ARK2C: variants seen among roughly 807,000 people sequenced by gnomAD.
The protein encoded by ARK2C is arkadia (RNF111) C-terminal like ring finger ubiquitin ligase 2C.
At chr18:46,400,569 G>A in the ARK2C span, among the ~76,000 whole-genome samples, 1 of 152,100 alleles carries the variant, frequency 6.6e-6, no homozygotes, top group Non-Finnish European at 1.5e-5. Flanking sequence ...AAGAGAAACA[G>A]GGAACACCCG....
the ARK2C span, chr18:46,334,774 T>C: frequency 1.7e-5 from 5 of 291,228 alleles, no homozygotes; most frequent in Admixed American, 5.4e-5. This position sits in a 1 kb window ranked among gnomAD's most constrained non-coding sequence, Gnocchi z 4.4. Flanking sequence ...TTTGCTTTTT[T>C]TGAGGTATAT....
At chr18:46,405,403 C>T in the ARK2C span, among the ~76,000 whole-genome samples, 1 of 152,082 alleles carries the variant, frequency 6.6e-6, no homozygotes, top group Admixed American at 6.5e-5. Context: ...CAGCATAGAC[C>T]AGACAGACAG....
the ARK2C span, among the ~76,000 whole-genome samples, chr18:46,370,382 T>G: frequency 6.6e-6 from 1 of 152,320 alleles, no homozygotes; most frequent in Non-Finnish European, 1.5e-5. Context: ...GAAATCAGTG[T>G]GCAGAGCTTG....
the ARK2C span, among the ~76,000 whole-genome samples, chr18:46,406,242 C>A: frequency 2.0e-5 from 3 of 152,172 alleles, no homozygotes; most frequent in East Asian, 1.9e-4. Context: ...TTGAACCCCC[C>A]TCTCAACCTC....
chr18:46,401,744 C>G, the ARK2C span, among the ~76,000 whole-genome samples: 2 of 152,212 alleles, frequency 1.3e-5, no homozygotes, highest in Non-Finnish European at 2.9e-5. Flanking sequence ...CACGGAGCTT[C>G]CTGGAGTCAT....
chr18:46,339,996 C>G, the ARK2C span, among the ~76,000 whole-genome samples: 2 of 152,184 alleles, frequency 1.3e-5, no homozygotes, highest in Admixed American at 1.3e-4. Flanking sequence ...GCAGCAGGGA[C>G]CCCTTTTCTG....
the ARK2C span, among the ~76,000 whole-genome samples, chr18:46,384,269 G>A: frequency 6.6e-6 from 1 of 152,206 alleles, no homozygotes; most frequent in Non-Finnish European, 1.5e-5. Context: ...GTCCCAGGGG[G>A]CTGGGATGCC....
At chr18:46,418,890 CAG>C in the ARK2C span, among the ~76,000 whole-genome samples, 1 of 152,224 alleles carries the variant, frequency 6.6e-6, no homozygotes, top group Non-Finnish European at 1.5e-5. Context: ...TCTGGACAGA[CAG>C]AAAATCTTGC....
chr18:46,343,649 G>A, the ARK2C span, among the ~76,000 whole-genome samples: 5 of 152,246 alleles, frequency 3.3e-5, no homozygotes, highest in Admixed American at 1.3e-4. Flanking sequence ...CCAAGGGAGA[G>A]AATTGACTGG....
At chr18:46,436,783 A>G in the ARK2C span, among the ~76,000 whole-genome samples, 1 of 152,264 alleles carries the variant, frequency 6.6e-6, no homozygotes, top group Admixed American at 6.5e-5. Context: ...GCCTTTTCCA[A>G]TTAGCAGATT....
At chr18:46,392,187 C>T in the ARK2C span, among the ~76,000 whole-genome samples, 2 of 152,182 alleles carry the variant, frequency 1.3e-5, no homozygotes, top group African/African-American at 4.8e-5. Context: ...TGCACACATA[C>T]TGTGGTCATC....
At chr18:46,378,352 T>G in the ARK2C span, among the ~76,000 whole-genome samples, 1 of 152,144 alleles carries the variant, frequency 6.6e-6, no homozygotes, top group Admixed American at 6.5e-5. Context: ...CACACAGCAG[T>G]GTGAGTCAGC....
the ARK2C span, chr18:46,450,850 G>C: frequency 2.2e-6 from 3 of 1,376,270 alleles, no homozygotes; most frequent in African/African-American, 4.3e-5. Context: ...GGGCAGGGGG[G>C]TTGTCTAATT....
chr18:46,358,058 G>A, the ARK2C span, among the ~76,000 whole-genome samples: 1 of 152,166 alleles, frequency 6.6e-6, no homozygotes, highest in African/African-American at 2.4e-5. Context: ...GACCTCATCT[G>A]AACTTGATCA....
the ARK2C span, among the ~76,000 whole-genome samples, chr18:46,349,558 G>A: frequency 2.6e-5 from 4 of 152,198 alleles, no homozygotes; most frequent in African/African-American, 7.2e-5. Context: ...GGAGGTCAGC[G>A]GTGAGCTGGC....
At chr18:46,345,120 G>A in the ARK2C span, among the ~76,000 whole-genome samples, 1 of 152,246 alleles carries the variant, frequency 6.6e-6, no homozygotes, top group Non-Finnish European at 1.5e-5. Flanking sequence ...TGCCTGCGAT[G>A]CAGGGCTGCT....
the ARK2C span, among the ~76,000 whole-genome samples, chr18:46,387,342 G>T: frequency 1.3e-5 from 2 of 152,228 alleles, no homozygotes; most frequent in Non-Finnish European, 2.9e-5. Context: ...TGATTCCAGT[G>T]CAGAGCTTGG....
the ARK2C span, chr18:46,447,353 G>T: frequency 1.7e-6 from 1 of 571,860 alleles, no homozygotes; most frequent in Non-Finnish European, 3.1e-6. Context: ...GATTGCTCTA[G>T]CTCCTTCAGA....
chr18:46,459,321 G>T, the ARK2C span: 4 of 152,256 alleles, frequency 2.6e-5, no homozygotes, highest in South Asian at 2.1e-4. Flanking sequence ...ACCTAAGGAG[G>T]TTGGATTGGA....
Sources: allele counts gnomAD v4.1 joint callset (sites outside exome capture counted in the v4.1 genomes callset), GRCh38; gene constraint gnomAD v4.1.1; non-coding constraint Gnocchi (gnomAD v3.1); transcripts MANE v1.5; gene names NCBI Gene and HGNC (gene_info 2026-07-23, HGNC 2026-07-21).